EPM2A: variants seen among roughly 807,000 people sequenced by gnomAD.
The protein encoded by EPM2A is EPM2A glucan phosphatase, laforin.
EPM2A carries 21 observed loss-of-function variants against 26.5 expected under a neutral mutation model. That is an observed-to-expected ratio of 0.79 (90% CI 0.56 to 1.14). The LOEUF is 1.14. Among genes scored for constraint, EPM2A ranks in the 50% most tolerant of loss-of-function variants. The pLI, the probability that EPM2A is intolerant of heterozygous loss-of-function variation, is 0.00. For synonymous variants in EPM2A, 217 were observed against 177.6 expected, an observed-to-expected ratio of 1.22 and a Z score of -1.76; for missense variants, 458 against 440.8, an observed-to-expected ratio of 1.04 and a Z score of -0.35.
intron 2 of EPM2A, among the ~76,000 whole-genome samples, chr6:145,673,569 C>T (rs1184239934): frequency 6.6e-6 from 1 of 152,204 alleles, no homozygotes; most frequent in Non-Finnish European, 1.5e-5. Context: ...GACACTTTCA[C>T]TCAAATACTG....
chr6:145,734,003 A>G (rs1339841949), intron 1 of EPM2A, among the ~76,000 whole-genome samples: 4 of 152,330 alleles, frequency 2.6e-5, no homozygotes, highest in Non-Finnish European at 1.5e-5. Context: ...GGGAGCCGAC[A>G]TTAGATAATC....
chr6:145,537,330 C>T (rs766265170), intron 2 of EPM2A, among the ~76,000 whole-genome samples: 2 of 152,294 alleles, frequency 1.3e-5, no homozygotes, highest in Non-Finnish European at 2.9e-5. Context: ...ACCAATAGAA[C>T]ATGGGTTAGG....
chr6:145,532,874 C>T (rs1780378231), intron 2 of EPM2A, among the ~76,000 whole-genome samples: 1 of 152,166 alleles, frequency 6.6e-6, no homozygotes, highest in Admixed American at 6.5e-5. Flanking sequence ...GTCCAGCTCT[C>T]TTCCTTTCTC....
chr6:145,667,904 T>C (rs1235749416), intron 2 of EPM2A, among the ~76,000 whole-genome samples: 1 of 150,790 alleles, frequency 6.6e-6, no homozygotes, highest in Non-Finnish European at 1.5e-5. Context: ...CTCAGTAAAC[T>C]ATCGCAAGAA....
intron 2 of EPM2A, among the ~76,000 whole-genome samples, chr6:145,512,092 G>T (rs965772440): frequency 6.6e-6 from 1 of 151,846 alleles, no homozygotes; most frequent in Non-Finnish European, 1.5e-5. Flanking sequence ...ACTACAAAAC[G>T]CTGATGAAAG....
At chr6:145,463,350 C>G (rs1779349443) in intron 4 of EPM2A, 1 of 152,068 alleles carries the variant, frequency 6.6e-6, no homozygotes, top group African/African-American at 2.4e-5. Flanking sequence ...TAAGCCCACT[C>G]TGGGTAAACC....
At chr6:145,660,737 G>A (rs1778639261) in intron 2 of EPM2A, among the ~76,000 whole-genome samples, 1 of 152,154 alleles carries the variant, frequency 6.6e-6, no homozygotes, top group Admixed American at 6.5e-5. Flanking sequence ...AGGAGGCGGA[G>A]GTTGCTGTGA....
intron 4 of EPM2A, among the ~76,000 whole-genome samples, chr6:145,443,031 TTGTGTG>T (rs371782797): frequency 6.6e-6 from 1 of 151,370 alleles, no homozygotes; most frequent in Non-Finnish European, 1.5e-5. Context: ...CGGCTAATTT[TTGTGTG>T]TGTGTGTGTG....
At chr6:145,698,740 C>T (rs116414974) in intron 1 of EPM2A, among the ~76,000 whole-genome samples, 3 of 151,982 alleles carry the variant, frequency 2.0e-5, no homozygotes, top group Admixed American at 1.3e-4. Context: ...ATAATGAAGC[C>T]CTGACCTCCC....
At chr6:145,384,525 T>C (rs1229284117) in intron 4 of EPM2A, among the ~76,000 whole-genome samples, 2 of 147,092 alleles carry the variant, frequency 1.4e-5, no homozygotes, top group Non-Finnish European at 3.0e-5. Flanking sequence ...GCCTGCAGAG[T>C]TGTGGTCAGT....
intron 4 of EPM2A, among the ~76,000 whole-genome samples, chr6:145,427,072 A>T (rs2114688688): frequency 6.6e-6 from 1 of 152,346 alleles, no homozygotes; most frequent in Admixed American, 6.5e-5. Flanking sequence ...AGTTCAAAGA[A>T]ATTTAAATGG....
intron 3 of EPM2A, among the ~76,000 whole-genome samples, chr6:145,632,997 C>T (rs1223233744): frequency 2.0e-5 from 3 of 152,224 alleles, no homozygotes; most frequent in African/African-American, 7.2e-5. Context: ...ACTGCACTAA[C>T]AGTTACGACT....
chr6:145,719,393 A>G (rs1161046623), intron 1 of EPM2A, among the ~76,000 whole-genome samples: 2 of 149,142 alleles, frequency 1.3e-5, no homozygotes, highest in Non-Finnish European at 3.0e-5. Context: ...AACACCACAT[A>G]TTCTCACTCA....
upstream of EPM2A, chr6:145,735,590 T>C: frequency 9.2e-7 from 1 of 1,085,286 alleles, no homozygotes; most frequent in Non-Finnish European, 1.1e-6. Flanking sequence ...GATTGGGCGG[T>C]GGTGTGGGAG....
At chr6:145,598,619 A>T (rs1781379400) in intron 2 of EPM2A, among the ~76,000 whole-genome samples, 1 of 152,120 alleles carries the variant, frequency 6.6e-6, no homozygotes, top group Non-Finnish European at 1.5e-5. Context: ...ATTAGATCCC[A>T]GTTGTCAATT....
intron 1 of EPM2A, among the ~76,000 whole-genome samples, chr6:145,723,780 G>T (rs1445905868): frequency 6.6e-6 from 1 of 152,066 alleles, no homozygotes; most frequent in Non-Finnish European, 1.5e-5. Flanking sequence ...TCTCACATTT[G>T]GGGAGAACAA....
chr6:145,441,849 G>A (rs566948769), intron 4 of EPM2A, among the ~76,000 whole-genome samples: 2 of 152,300 alleles, frequency 1.3e-5, no homozygotes, highest in South Asian at 4.1e-4. Context: ...GAGACAGAAT[G>A]AGACTCCATC....
chr6:145,523,454 A>T (rs989183457), intron 2 of EPM2A, among the ~76,000 whole-genome samples: 10 of 152,192 alleles, frequency 6.6e-5, no homozygotes, highest in Non-Finnish European at 1.5e-5. Flanking sequence ...TATCTTGACC[A>T]TTCTCACAAT....
At chr6:145,712,203 C>A (rs1775371283) in intron 1 of EPM2A, among the ~76,000 whole-genome samples, 2 of 151,994 alleles carry the variant, frequency 1.3e-5, no homozygotes, top group African/African-American at 4.8e-5. Flanking sequence ...GAAGATGAAG[C>A]CTGCAGCAAC....
Sources: allele counts gnomAD v4.1 joint callset (sites outside exome capture counted in the v4.1 genomes callset), GRCh38; gene constraint gnomAD v4.1.1; transcripts MANE v1.5; gene names NCBI Gene and HGNC (gene_info 2026-07-23, HGNC 2026-07-21).